The following PAX5 variants were observed in gnomAD, a reference collection of about 807,000 sequenced individuals.
PAX5 encodes the protein paired box 5, also known as paired box protein Pax-5.
In PAX5, 9 loss-of-function variants were observed where a neutral mutation model predicts 43.7. The observed-to-expected ratio is 0.21, with a 90% CI of 0.12 to 0.36. The LOEUF is 0.36. PAX5 is among the 10% of genes least tolerant of loss of function. The pLI is 1.00. For synonymous variants in PAX5, 228 were observed against 214.3 expected, an observed-to-expected ratio of 1.06 and a Z score of -0.56; for missense variants, 383 against 532.7, an observed-to-expected ratio of 0.72 and a Z score of 2.77.
intron 8 of PAX5, among the ~76,000 whole-genome samples, chr9:36,867,267 C>T (rs780228954): frequency 2.6e-5 from 4 of 152,136 alleles, no homozygotes; most frequent in Admixed American, 2.0e-4. Context: ...CAACCCAAGA[C>T]TCTTCGGTAT....
chr9:36,864,023 T>C (rs548572521), intron 8 of PAX5, among the ~76,000 whole-genome samples: 1 of 152,282 alleles, frequency 6.6e-6, no homozygotes, highest in East Asian at 1.9e-4. Context: ...GTAGAAGAAT[T>C]GCTTGAACCC....
intron 5 of PAX5, among the ~76,000 whole-genome samples, chr9:36,997,977 G>A (rs1054311186): frequency 2.6e-5 from 4 of 152,208 alleles, no homozygotes; most frequent in South Asian, 2.1e-4. Context: ...CACAGAGTCC[G>A]AACCAGAATG....
At chr9:36,976,103 A>G (rs1835404455) in intron 5 of PAX5, among the ~76,000 whole-genome samples, 1 of 152,228 alleles carries the variant, frequency 6.6e-6, no homozygotes, top group African/African-American at 2.4e-5. Context: ...CTAAGAGTTT[A>G]TGTCTCGCCT....
chr9:36,842,811 T>G (rs1164693660), intron 9 of PAX5, among the ~76,000 whole-genome samples: 4 of 152,038 alleles, frequency 2.6e-5, no homozygotes, highest in African/African-American at 9.7e-5. Flanking sequence ...GGGGCCCTGG[T>G]GGGATGCTGA....
chr9:36,972,303 T>C (rs893399332), intron 5 of PAX5, among the ~76,000 whole-genome samples: 10 of 152,170 alleles, frequency 6.6e-5, no homozygotes, highest in African/African-American at 2.4e-4. Context: ...GGGAAAAGGG[T>C]TGGGAGCCAG....
chr9:36,933,126 A>T (rs1831260009), intron 6 of PAX5, among the ~76,000 whole-genome samples: 1 of 149,812 alleles, frequency 6.7e-6, no homozygotes, highest in Non-Finnish European at 1.5e-5. Context: ...CCTGGGTGAC[A>T]GAGGGAGACC....
Position 36,911,448 on chromosome 9 carries a change from A to G in PAX5, c.910+11907T>C, listed in dbSNP as rs550112069. Among the ~76,000 whole-genome samples the G allele has an allele frequency of 1.3e-4, 20 of 152,222 alleles. No homozygotes were observed. In the East Asian group the frequency reaches 3.7e-3, roughly 28 times the overall value. ...AGTGCTGGAATTACAGGCATGAGCC[A>G]CACGCCCGGCCCACAGAACAACTCT... On this transcript the variant is annotated intron_variant, in intron 7 of 9. Coordinates refer to ENST00000358127, the MANE Select transcript of PAX5 (RefSeq NM_016734.3).
chr9:36,891,079 C>T (rs2131813694), intron 7 of PAX5, among the ~76,000 whole-genome samples: 1 of 152,274 alleles, frequency 6.6e-6, no homozygotes, highest in East Asian at 1.9e-4. Flanking sequence ...GTGGAGGTTG[C>T]AGTGAGCCGA....
At chr9:36,969,028 C>T (rs1439229683) in intron 5 of PAX5, among the ~76,000 whole-genome samples, 2 of 152,228 alleles carry the variant, frequency 1.3e-5, no homozygotes, top group African/African-American at 4.8e-5. Flanking sequence ...CTTGCTAAAG[C>T]ATGACGTGGG....
chr9:36,943,267 G>A (rs567079678), intron 6 of PAX5, among the ~76,000 whole-genome samples: 1 of 152,298 alleles, frequency 6.6e-6, no homozygotes, highest in South Asian at 2.1e-4. Context: ...CAAAGATGGG[G>A]AGTCTGGCAT....
chr9:37,026,779 G>A, intron 1 of PAX5: 7 of 948,772 alleles, frequency 7.4e-6, no homozygotes, highest in Non-Finnish European at 8.8e-6. Flanking sequence ...AATGGTGCTA[G>A]CGCACCCGGG....
chr9:36,870,820 T>C (rs971242798), intron 8 of PAX5, among the ~76,000 whole-genome samples: 6 of 152,148 alleles, frequency 3.9e-5, no homozygotes, highest in African/African-American at 7.2e-5. Context: ...AATAATGTGA[T>C]AAAAAGTAAA....
chr9:37,006,432 G>A (rs1838393693), intron 4 of PAX5, 41 bp downstream of exon 4: 1 of 1,372,682 alleles, frequency 7.3e-7, no homozygotes, highest in Non-Finnish European at 1.0e-6. Context: ...AATATTTGGA[G>A]CCCATTAGAT....
chr9:36,917,292 T>C (rs1829801316), intron 7 of PAX5, among the ~76,000 whole-genome samples: 1 of 152,140 alleles, frequency 6.6e-6, no homozygotes, highest in South Asian at 2.1e-4. Context: ...ACCAATCTTC[T>C]AGATCAGTTC....
intron 2 of PAX5, among the ~76,000 whole-genome samples, chr9:37,017,621 A>G (rs981122667): frequency 2.0e-5 from 3 of 152,242 alleles, no homozygotes; most frequent in Non-Finnish European, 4.4e-5. Context: ...AAAATATGTT[A>G]GTTGAATGGG....
At chr9:36,994,458 G>A (rs985844426) in intron 5 of PAX5, among the ~76,000 whole-genome samples, 1 of 152,118 alleles carries the variant, frequency 6.6e-6, no homozygotes, top group Non-Finnish European at 1.5e-5. Flanking sequence ...ACCCACCTCT[G>A]GCCTGTAAGC....
At chr9:36,898,673 CAT>C (rs746223442) in intron 7 of PAX5, among the ~76,000 whole-genome samples, 2 of 152,204 alleles carry the variant, frequency 1.3e-5, no homozygotes, top group Non-Finnish European at 2.9e-5. Flanking sequence ...GATGGGATCT[CAT>C]GTGGTTTGCC....
At position 37,011,827 on chromosome 9, in the gene PAX5, T is replaced by A. The variant is rs951149098; in HGVS notation, c.410+3170A>T. Among the ~76,000 whole-genome samples, 4 of 152,148 alleles carry A rather than the reference T, an allele frequency of 2.6e-5. No individual in the cohort carries two copies. The East Asian group carries it at 5.8e-4, about 22-fold the overall frequency. ...ATCCAGCCATCACTCCCTCCCCAGC[T>A]GTTTGAAATCAGAAAGGGTGAAAAG... On this transcript the variant is annotated intron_variant, in intron 3 of 9. Coordinates refer to ENST00000358127, the MANE Select transcript of PAX5 (RefSeq NM_016734.3).
At chr9:36,888,300 T>TA (rs1370181017) in intron 7 of PAX5, among the ~76,000 whole-genome samples, 2 of 152,204 alleles carry the variant, frequency 1.3e-5, no homozygotes, top group Admixed American at 6.5e-5. Context: ...TATGTCCACA[T>TA]AAAAACTTGT....
Sources: allele counts gnomAD v4.1 joint callset (sites outside exome capture counted in the v4.1 genomes callset), GRCh38; gene constraint gnomAD v4.1.1; transcripts MANE v1.5; gene names NCBI Gene and HGNC (gene_info 2026-07-23, HGNC 2026-07-21).